TTLL9: variants seen among roughly 807,000 people sequenced by gnomAD.
TTLL9 encodes tubulin tyrosine ligase like 9.
A neutral mutation model predicts 65.6 loss-of-function variants in TTLL9; 47 were observed. The observed-to-expected ratio is 0.72, with a 90% CI of 0.57 to 0.91. The LOEUF (loss-of-function observed/expected upper bound fraction) is 0.91, where lower values mean the gene tolerates loss of function less well. Ranked by LOEUF, TTLL9 falls within the 40% of genes least tolerant of loss-of-function variation. The pLI is 0.00. For missense variants in TTLL9, 537 were observed against 568.8 expected, an observed-to-expected ratio of 0.94 and a Z score of 0.57; for synonymous variants, 179 against 204.8, an observed-to-expected ratio of 0.87 and a Z score of 1.07.
chr20:31,897,731 C>T (rs1288416108), intron 3 of TTLL9, among the ~76,000 whole-genome samples: 2 of 152,024 alleles, frequency 1.3e-5, no homozygotes, highest in Non-Finnish European at 2.9e-5. Flanking sequence ...GTTGGGTGCC[C>T]TGCTGCAAAC....
chr20:31,931,078 CTTT>C (rs60315473), intron 10 of TTLL9, among the ~76,000 whole-genome samples: 1 of 125,234 alleles, frequency 8.0e-6, no homozygotes. Flanking sequence ...TCCTCTTTTC[CTTT>C]TTTTTTTTTT....
intron 3 of TTLL9, among the ~76,000 whole-genome samples, chr20:31,890,864 G>A (rs912006085): frequency 6.6e-6 from 1 of 152,178 alleles, no homozygotes; most frequent in Non-Finnish European, 1.5e-5. Context: ...CAGACTCCGG[G>A]GGCCAGGGAA....
chr20:31,930,760 T>A lies in TTLL9; in HGVS notation c.749-3040T>A, dbSNP rs1249964065. 2.0e-5 allele frequency among the ~76,000 whole-genome samples: 3 copies of A among 152,212 alleles called. No homozygotes were observed. In the East Asian group the frequency reaches 5.8e-4, roughly 29 times the overall value. ...GAAAAGTCTTTTTCTCCTAAATATT[T>A]TGCAGTGAATCAGTTCTGTTTCTCT... On this transcript the variant is annotated intron_variant, in intron 10 of 14. Coordinates refer to ENST00000535842, the MANE Select transcript of TTLL9 (RefSeq NM_001008409.5).
intron 7 of TTLL9, 57 bp from the exon 8 acceptor site, chr20:31,922,906 A>AT: frequency 7.1e-7 from 1 of 1,401,734 alleles, no homozygotes; most frequent in Non-Finnish European, 1.0e-6. Flanking sequence ...CAGAATACCT[A>AT]GTACACAGGA....
intron 10 of TTLL9, among the ~76,000 whole-genome samples, chr20:31,929,799 C>T (rs192974085): frequency 1.8e-4 from 28 of 152,290 alleles, no homozygotes; most frequent in Admixed American, 1.7e-3. Context: ...GAGTCAAGCC[C>T]ATCTGGCCAG....
intron 5 of TTLL9, 113 bp downstream of exon 5, chr20:31,908,815 G>A (rs1031466092): frequency 5.8e-6 from 5 of 863,848 alleles, no homozygotes; most frequent in East Asian, 2.7e-5. Flanking sequence ...GGGATGCAAC[G>A]CCGAGTGGGA....
chr20:31,872,134 C>A (rs946971643), intron 2 of TTLL9, among the ~76,000 whole-genome samples: 1 of 152,018 alleles, frequency 6.6e-6, no homozygotes, highest in Non-Finnish European at 1.5e-5. Flanking sequence ...GATAGGCAAA[C>A]AAATAAATTA....
Position 31,909,746 on chromosome 20 carries a change from A to G in TTLL9, c.328A>G (p.Lys110Glu), listed in dbSNP as rs1404061659. The stretch of plus-strand genomic sequence containing the variant: ...CCTTCCCGCCACCCAGCTGACCCGG[A>G]AGAACTACATGGTGAAGAACCTGAA... ...HFRNHYELTR[K>E]NYMVKNLKRF... Residue 110 changes from lysine (K) to glutamate (E), a missense_variant, in exon 6 of 15, where the codon AAG becomes GAG. Lys to Glu is a moderately conservative substitution (Grantham distance 56, BLOSUM62 1). Around this residue, in one of 3 missense-constraint regions of TTLL9, gnomAD observed 320 missense variants for 311.0 expected, o/e 1.03. Coordinates refer to ENST00000535842, the MANE Select transcript of TTLL9 (RefSeq NM_001008409.5). 6.2e-7 allele frequency: 1 copy of G among 1,613,804 alleles called. No homozygotes were observed. The highest frequency in any genetic ancestry group is 8.5e-7 in the Non-Finnish European group (1 of 1,179,888).
At chr20:31,900,777 C>T (rs543393211) in intron 4 of TTLL9, among the ~76,000 whole-genome samples, 3 of 152,182 alleles carry the variant, frequency 2.0e-5, no homozygotes, top group South Asian at 4.2e-4. Context: ...AGTGAGGTGA[C>T]TAGCAGGTGG....
intron 10 of TTLL9, among the ~76,000 whole-genome samples, chr20:31,932,018 T>C (rs1225114611): frequency 6.6e-6 from 1 of 152,246 alleles, no homozygotes; most frequent in Non-Finnish European, 1.5e-5. Flanking sequence ...GTTTTGCCTC[T>C]TATATTTAGG....
intron 4 of TTLL9, among the ~76,000 whole-genome samples, chr20:31,902,458 G>T (rs1371808520): frequency 6.6e-6 from 1 of 152,096 alleles, no homozygotes; most frequent in Non-Finnish European, 1.5e-5. Context: ...TCGGCTCACT[G>T]CAAGCTCTGC....
intron 10 of TTLL9, among the ~76,000 whole-genome samples, chr20:31,931,558 G>A (rs1046323178): frequency 2.0e-5 from 3 of 152,170 alleles, no homozygotes; most frequent in African/African-American, 4.8e-5. Context: ...TTACAGGCGC[G>A]GCCACCATGC....
chr20:31,943,052 G>A lies in TTLL9; in HGVS notation c.*31G>A. The A allele has an allele frequency of 6.2e-7, 1 of 1,607,898 alleles. No homozygotes were observed. The highest frequency in any genetic ancestry group is 8.5e-7 in the Non-Finnish European group (1 of 1,175,288). ...AGCTGCCAGGAGGAAATCAGCCTTA[G>A]CAGGTGCCACCCAGGCCTCCCCCCC... is the stretch of plus-strand genomic sequence containing the variant. On this transcript the variant is annotated 3_prime_UTR_variant, in exon 15 of 15. Coordinates refer to ENST00000535842, the MANE Select transcript of TTLL9 (RefSeq NM_001008409.5).
rs1367261196 is a variant in TTLL9 at position 31,890,018 on chromosome 20, CTT to C, written c.113+2781_113+2782del. On this transcript the variant is annotated intron_variant, in intron 3 of 14. Coordinates refer to ENST00000535842, the MANE Select transcript of TTLL9 (RefSeq NM_001008409.5). ...TCTTTCTTTCTTTCTTTCTTTCTTT[CTT>C]TCTTTCTTTCTTTCCTTCCTTCCTT... is the stretch of plus-strand genomic sequence containing the variant. 2.2e-3 allele frequency among the ~76,000 whole-genome samples: 309 copies of C among 143,088 alleles called. 19 individuals carry two copies. Among genetic ancestry groups the C allele is most frequent in the African/African-American group, 8.1e-3 (291 of 35,866 alleles). The allele number at this position is 143,088 out of a possible 152,430, so 93.9% of individuals were successfully genotyped here. A position where few individuals can be genotyped will look rare whatever the true frequency, so the allele number is the denominator to read the frequency against.
intron 11 of TTLL9, chr20:31,934,294 C>T (rs775396521): frequency 7.8e-6 from 4 of 513,092 alleles, no homozygotes; most frequent in South Asian, 6.1e-5. Context: ...CCCCAGCTCA[C>T]ACCTGTTCCC....
chr20:31,885,251 CT>C (rs2063173245), intron 2 of TTLL9, among the ~76,000 whole-genome samples: 1 of 152,114 alleles, frequency 6.6e-6, no homozygotes, highest in Non-Finnish European at 1.5e-5. Flanking sequence ...CAAAGACAAT[CT>C]TGAAATCAGA....
intron 4 of TTLL9, among the ~76,000 whole-genome samples, chr20:31,907,164 C>T (rs1568785191): frequency 1.3e-5 from 2 of 152,164 alleles, no homozygotes; most frequent in African/African-American, 4.8e-5. Flanking sequence ...GAGTTCAAAT[C>T]CTGCTCTGCC....
intron 10 of TTLL9, among the ~76,000 whole-genome samples, chr20:31,933,199 T>C (rs2064050026): frequency 6.6e-6 from 1 of 152,186 alleles, no homozygotes; most frequent in African/African-American, 2.4e-5. Flanking sequence ...GCTGCTGATG[T>C]CACTGGTGGT....
intron 12 of TTLL9, among the ~76,000 whole-genome samples, chr20:31,937,111 A>AG (rs2123637802): frequency 6.6e-6 from 1 of 150,856 alleles, no homozygotes; most frequent in East Asian, 2.0e-4. Context: ...AAAAAAAAAA[A>AG]AAAAAAGTGG....
Sources: gnomAD v4.1 joint callset for allele counts (sites outside exome capture counted in the v4.1 genomes callset) on GRCh38, gnomAD v4.1.1 for gene constraint, gnomAD v4.1.1 regional missense constraint, MANE v1.5 for transcripts, NCBI Gene and HGNC (gene_info 2026-07-23, HGNC 2026-07-21) for gene names.